The following CD163 variants were observed in gnomAD, a reference collection of about 807,000 sequenced individuals.
CD163 encodes the protein CD163 molecule, also known as scavenger receptor cysteine-rich type 1 protein M130.
In CD163, 64 loss-of-function variants were observed where a neutral mutation model predicts 129.2. That is an observed-to-expected ratio of 0.50 (90% confidence interval 0.41 to 0.61). The LOEUF (loss-of-function observed/expected upper bound fraction) is 0.61, where lower values mean the gene tolerates loss of function less well. CD163 is among the 20% of genes least tolerant of loss of function. The pLI, the probability that CD163 is intolerant of heterozygous loss-of-function variation, is 0.00. For missense variants in CD163, 1,061 were observed against 1,377.9 expected, an observed-to-expected ratio of 0.77 and a Z score of 3.64; for synonymous variants, 446 against 478.5, an observed-to-expected ratio of 0.93 and a Z score of 0.89.
intron 4 of CD163, among the ~76,000 whole-genome samples, chr12:7,498,277 G>A (rs534830834): frequency 2.6e-5 from 4 of 152,152 alleles, no homozygotes; most frequent in Admixed American, 6.6e-5. Flanking sequence ...ACAGAAAAAC[G>A]AAGAGTGGTA....
chr12:7,487,618 C>G lies in CD163; in HGVS notation c.1791G>C (p.Glu597Asp), dbSNP rs1307918866. The change falls in exon 8 of 17, where the codon GAG (glutamate) becomes GAC (aspartate). Residue 597 changes from glutamate (E) to aspartate (D), a missense_variant. Glu to Asp is a conservative substitution (Grantham distance 45). Transcript: ENST00000432237. This position sits in a 1 kb window ranked among gnomAD's most constrained non-coding sequence, Gnocchi z 5.1. ...ATCCCCAGGCACCAAGCGTTTTGAG[C>G]TCCACTCTGCCCTCACACGGGGTCT... ...NGKTPCEGRV[E>D]LKTLGAWGSL... The G allele has an allele frequency of 6.2e-7, 1 of 1,614,062 alleles. No individual in the cohort carries two copies. Among genetic ancestry groups the G allele is most frequent in the East Asian group, 2.2e-5 (1 of 44,892 alleles).
Position 7,486,784 on chromosome 12 carries a change from C to G in CD163, c.2173G>C (p.Gly725Arg). The change falls in exon 10 of 17, where the codon GGA becomes CGA. Residue 725 changes from glycine (G) to arginine (R), a missense_variant. Gly to Arg is a moderately radical substitution (Grantham distance 125). Coordinates refer to ENST00000432237, the MANE Select transcript of CD163 (RefSeq NM_203416.4). ...ESGQLRLVNG[G>R]GRCAGRVEIY... ...TCTACTCTCCCAGCACAGCGACCTC[C>G]TCCATTTACCAGGCGAAGTTGACCA... 6.2e-7 allele frequency: 1 copy of G among 1,610,860 alleles called. No homozygotes were observed. The highest frequency in any genetic ancestry group is 8.5e-7 in the Non-Finnish European group (1 of 1,177,522).
chr12:7,489,428 C>T (rs910288672), intron 6 of CD163, among the ~76,000 whole-genome samples: 1 of 151,956 alleles, frequency 6.6e-6, no homozygotes, highest in Non-Finnish European at 1.5e-5. Context: ...GATGACTTAA[C>T]GTTTCCTTAA....
In CD163 at chr12:7,486,313, A is replaced by G. The variant is rs769704754; in HGVS notation, c.2458+186T>C. Among the ~76,000 whole-genome samples, 15 of 152,214 alleles carry G rather than the reference A, an allele frequency of 9.9e-5. No homozygotes were observed. The East Asian group carries it at 2.1e-3, about 22-fold the overall frequency. On this transcript the variant is annotated intron_variant, in intron 10 of 16. Coordinates refer to ENST00000432237, the MANE Select transcript of CD163 (RefSeq NM_203416.4). Reference sequence around the variant, plus strand: ...CCATTTCTGGTCTTTTCTCTTTACAATGTTGCACTACCTTGCTCATGAAGT... The same window carrying G: ...CCATTTCTGGTCTTTTCTCTTTACAGTGTTGCACTACCTTGCTCATGAAGT...
intron 11 of CD163, among the ~76,000 whole-genome samples, chr12:7,484,452 C>G (rs1949219301): frequency 6.6e-6 from 1 of 151,838 alleles, no homozygotes; most frequent in Non-Finnish European, 1.5e-5. Flanking sequence ...CCAGCCTGGC[C>G]AACATGGGGA....
chr12:7,492,837 CT>C (rs1363788325), intron 6 of CD163, among the ~76,000 whole-genome samples: 1 of 152,104 alleles, frequency 6.6e-6, no homozygotes, highest in African/African-American at 2.4e-5. Context: ...GGTGGTAAAA[CT>C]GTAGCCTTGT....
chr12:7,501,798 G>A (rs1949493934), intron 2 of CD163, among the ~76,000 whole-genome samples: 1 of 152,184 alleles, frequency 6.6e-6, no homozygotes. Flanking sequence ...ACGTTATGGG[G>A]ATGAACTTTT....
rs369646793 is a variant in CD163 at position 7,485,371 on chromosome 12, C to T, written c.2504G>A (p.Cys835Tyr). Residue 835 changes from cysteine (C) to tyrosine (Y), a missense_variant, in exon 11 of 17, where the codon TGT becomes TAT. Physicochemically the swap from Cys to Tyr is radical, Grantham distance 194 (BLOSUM62 -2). Coordinates refer to ENST00000432237, the MANE Select transcript of CD163 (RefSeq NM_203416.4). This position sits in a 1 kb window ranked among gnomAD's most constrained non-coding sequence, Gnocchi z 4.5. ...RLTSEASREA[C>Y]AGRLEVFYNG... ...GTAAAAAACTTCCAGACGCCCTGCA[C>T]AGGCCTCTCTGCTGGCTTCACTGGT... The T allele has an allele frequency of 6.2e-7, 1 of 1,614,074 alleles. No individual in the cohort carries two copies.
chr12:7,480,780 C>A (rs1449945123), intron 15 of CD163: 4 of 669,270 alleles, frequency 6.0e-6, no homozygotes, highest in Non-Finnish European at 7.4e-6. Flanking sequence ...CTATATACAT[C>A]CCATAAAATC....
chr12:7,481,218 A>C lies in CD163; in HGVS notation c.3286T>G (p.Tyr1096Asp), dbSNP rs745308750. 6.2e-7 allele frequency: 1 copy of C among 1,613,818 alleles called. No individual in the cohort carries two copies. The highest frequency in any genetic ancestry group is 2.2e-5 in the East Asian group (1 of 44,870). Residue 1096 changes from tyrosine to aspartate, a missense_variant, in exon 15 of 17, where the codon TAC becomes GAC. Physicochemically the swap from Tyr to Asp is radical, Grantham distance 160 (BLOSUM62 -3). Transcript: ENST00000432237. ...RGENLVHQIQ[Y>D]REMNSCLNAD... ...TTCAGGCAAGAATTCATCTCCCGGT[A>C]TTGAATTTGGTGGACTAAGTTCTCT... is the stretch of plus-strand genomic sequence containing the variant.
At position 7,487,105 on chromosome 12, in the gene CD163, T is replaced by C. The variant is rs2136709017; in HGVS notation, c.2051-119A>G. On this transcript the variant is annotated intron_variant, in intron 8 of 16. Transcript: ENST00000432237. The surrounding 1 kb of genome is among the most constrained non-coding windows in gnomAD (Gnocchi z 5.1). ...TAGAGAGAGAGGGGAAGGTGGATGG[T>C]CAACAAGTTTGAAATAAATCAGGTG... The C allele has an allele frequency of 4.7e-6, 4 of 850,332 alleles. No homozygotes were observed. The South Asian group carries it at 5.3e-5, about 11-fold the overall frequency. The allele number at this position is 850,332 out of a possible 1,614,324, so 52.7% of individuals were successfully genotyped here.
chr12:7,498,868 T>C lies in CD163; in HGVS notation c.778A>G (p.Lys260Glu), dbSNP rs1949438725. Residue 260 changes from lysine to glutamate, a missense_variant and splice_region_variant, in exon 4 of 17, where the codon AAG becomes GAG. Transcript: ENST00000432237. ...HAEDAGVICS[K>E]GADLSLRLVD... ...AGAATGAGCCAAGATCAGTCCTTAC[T>C]TGAGCAAATCACTCCAGCATCCTCA... 1 of 1,612,794 alleles carries C rather than the reference T, an allele frequency of 6.2e-7. No homozygotes were observed.
rs1376755129 is a variant in CD163 at position 7,482,969 on chromosome 12, T to C, written c.3124A>G (p.Thr1042Ala). Residue 1042 changes from threonine (T) to alanine (A), a missense_variant, in exon 13 of 17, where the codon ACA (threonine) becomes GCA (alanine). Thr to Ala is a moderately conservative substitution (Grantham distance 58). Transcript: ENST00000432237. ...SVQKTPQKATTGRSSRQSSFI... is the reference protein window; with the variant it reads ...SVQKTPQKATAGRSSRQSSFI... ...CATCATAAACTCCATGATATACCTG[T>C]TGTGGCTTTTTGTGGGGTTTTCTGC... is the stretch of plus-strand genomic sequence containing the variant. 1 of 1,613,798 alleles carries C rather than the reference T, an allele frequency of 6.2e-7. No individual in the cohort carries two copies. The highest frequency in any genetic ancestry group is 1.3e-5 in the African/African-American group (1 of 75,046).
Position 7,484,154 on chromosome 12 carries a change from C to G in CD163, c.2780-479G>C, listed in dbSNP as rs546323558. Among the ~76,000 whole-genome samples, 10 of 148,502 alleles carry G rather than the reference C, an allele frequency of 6.7e-5. No homozygotes were observed. The South Asian group carries it at 9.3e-4, about 14-fold the overall frequency. ...GCCTGGCCTAAAATTTATATTTTTA[C>G]AAAATTTATCTTTTATAAGAGGACT... On this transcript the variant is annotated intron_variant, in intron 11 of 16. Coordinates refer to ENST00000432237, the MANE Select transcript of CD163 (RefSeq NM_203416.4).
Position 7,483,601 on chromosome 12 carries a change from TC to T in CD163, c.2853del (p.Thr952GlnfsTer25), listed in dbSNP as rs1444219005. On this transcript the variant is annotated frameshift_variant, in exon 12 of 17. Coordinates refer to ENST00000432237, the MANE Select transcript of CD163 (RefSeq NM_203416.4). LOFTEE classifies it high-confidence loss of function. Reference sequence around the variant, plus strand: ...AAGTCCCAAGAGTCATCACACACTGTCCCCCAGGAACCTCCATGCCAGATCT... The same window carrying T: ...AAGTCCCAAGAGTCATCACACACTGTCCCCAGGAACCTCCATGCCAGATCT... ...RVEIWHGGSWGTVCDDSWDLD... is the reference protein window; with the variant it reads ...RVEIWHGGSWXTVCDDSWDLD... 2 of 1,613,234 alleles carry T rather than the reference TC, an allele frequency of 1.2e-6. No individual in the cohort carries two copies. Among genetic ancestry groups the T allele is most frequent in the South Asian group, 2.2e-5 (2 of 91,038 alleles).
chr12:7,485,069 T>A lies in CD163; in HGVS notation c.2779+27A>T. 6.5e-7 allele frequency: 1 copy of A among 1,550,268 alleles called. No homozygotes were observed. The highest frequency in any genetic ancestry group is 1.2e-5 in the South Asian group (1 of 82,192). ...ATGATAGCGGGGCTGCAGAATGGAA[T>A]TTTCATATAGGTCGATGGATACTCA... On this transcript the variant is annotated intron_variant, in intron 11 of 16. Transcript: ENST00000432237. The surrounding 1 kb of genome is among the most constrained non-coding windows in gnomAD (Gnocchi z 4.5).
At position 7,482,709 on chromosome 12, in the gene CD163, GA is replaced by G. The variant is rs1565399449; in HGVS notation, c.3180del (p.Leu1061CysfsTer11). 1 of 1,614,110 alleles carries G rather than the reference GA, an allele frequency of 6.2e-7. No homozygotes were observed. Among genetic ancestry groups the G allele is most frequent in the Admixed American group, 1.7e-5 (1 of 60,020 alleles). ...SFIAVGILGVVLLAIFVALFF... is the reference protein window; with the variant it reads ...SFIAVGILGVXLLAIFVALFF... ...AATAATGCGACGAAAATGGCCAACAGAACAACCCCAAGGATCCCGACTGCAA... is the reference window on the plus strand; with the variant it reads ...AATAATGCGACGAAAATGGCCAACAGACAACCCCAAGGATCCCGACTGCAA... On this transcript the variant is annotated frameshift_variant, in exon 14 of 17. Transcript: ENST00000432237. LOFTEE classifies it high-confidence loss of function.
In CD163 at chr12:7,481,417, C is replaced by G. The variant is rs775662716; in HGVS notation, c.3248-161G>C. Among the ~76,000 whole-genome samples, 4 of 152,258 alleles carry G rather than the reference C, an allele frequency of 2.6e-5. No homozygotes were observed. In the East Asian group the frequency reaches 7.7e-4, roughly 29 times the overall value. On this transcript the variant is annotated intron_variant, in intron 14 of 16. Coordinates refer to ENST00000432237, the MANE Select transcript of CD163 (RefSeq NM_203416.4). The stretch of plus-strand genomic sequence containing the variant: ...AGCTCTTCCCTTACAATTCCGCACA[C>G]TCAAATGAAATAGGCACAAGGCTAA...
At position 7,483,629 on chromosome 12, in the gene CD163, C is replaced by T; in HGVS notation, c.2826G>A (p.Val942=). 1 of 1,613,650 alleles carries T rather than the reference C, an allele frequency of 6.2e-7. No homozygotes were observed. The highest frequency in any genetic ancestry group is 8.5e-7 in the Non-Finnish European group (1 of 1,179,918). ...QEGPTSCSGR[V]EIWHGGSWGT... ...CCCAGGAACCTCCATGCCAGATCTC[C>T]ACACGTCCAGAACAGGAAGTGGGTC... Residue 942 remains valine, a synonymous_variant, in exon 12 of 17, where the codon GTG becomes GTA. Transcript: ENST00000432237.
Sources: allele counts gnomAD v4.1 joint callset (sites outside exome capture counted in the v4.1 genomes callset), GRCh38; gene constraint gnomAD v4.1.1; non-coding constraint Gnocchi (gnomAD v3.1); transcripts MANE v1.5; gene names NCBI Gene and HGNC (gene_info 2026-07-23, HGNC 2026-07-21).